The following LAMA4 variants were observed in gnomAD, a reference collection of about 807,000 sequenced individuals.
LAMA4 encodes laminin subunit alpha 4.
Under a neutral mutation model 207.1 loss-of-function variants are expected in LAMA4, and 127 were observed. The observed-to-expected ratio is 0.61, with a 90% confidence interval of 0.53 to 0.71. LAMA4 has a LOEUF of 0.71. LAMA4 is among the 30% of genes least tolerant of loss of function. The probability of loss-of-function intolerance (pLI) is 0.00; values close to 1 mark genes in which losing one functional copy is unlikely to be tolerated. For synonymous variants in LAMA4, 761 were observed against 816.0 expected (o/e 0.93, Z 1.15); for missense variants, 2,093 against 2,246.5 (o/e 0.93, Z 1.38).
At chr6:112,137,529 T>C (rs1449408059) in intron 24 of LAMA4, among the ~76,000 whole-genome samples, 1 of 152,274 alleles carries the variant, frequency 6.6e-6, no homozygotes, top group African/African-American at 2.4e-5. Context: ...ACATAATATG[T>C]GTGGCTTCCC....
At chr6:112,158,693 C>T in intron 14 of LAMA4, 39 bp downstream of exon 14, 1 of 1,558,952 alleles carries the variant, frequency 6.4e-7, no homozygotes, top group Non-Finnish European at 8.8e-7. Flanking sequence ...TTTTATTCAC[C>T]CCATGTAGAT....
At chr6:112,165,012 A>G in intron 13 of LAMA4, 148 bp downstream of exon 13, 1 of 709,352 alleles carries the variant, frequency 1.4e-6, no homozygotes, top group South Asian at 1.5e-5. Context: ...TGGTCATCGT[A>G]CAGTGCAAGA....
intron 4 of LAMA4, among the ~76,000 whole-genome samples, chr6:112,206,585 C>T (rs12190908): frequency 0.21 from 31,718 of 152,134 alleles, 4,267 homozygotes; most frequent in Middle Eastern, 0.33. Context: ...TTCTGTTGAT[C>T]TGTGTTCTAA....
At chr6:112,247,291 C>G (rs552895531) in intron 2 of LAMA4, among the ~76,000 whole-genome samples, 1 of 152,278 alleles carries the variant, frequency 6.6e-6, no homozygotes, top group African/African-American at 2.4e-5. Flanking sequence ...AGTCAAACAG[C>G]TAGAAAGTTG....
intron 7 of LAMA4, 85 bp from the exon 8 acceptor site, chr6:112,187,686 C>T: frequency 7.7e-7 from 1 of 1,296,546 alleles, no homozygotes; most frequent in Non-Finnish European, 1.1e-6. Flanking sequence ...TCTCTATTTC[C>T]TTGGTTAATA....
intron 2 of LAMA4, among the ~76,000 whole-genome samples, chr6:112,238,698 C>T (rs1786124689): frequency 6.6e-6 from 1 of 152,088 alleles, no homozygotes; most frequent in Non-Finnish European, 1.5e-5. Flanking sequence ...CAGAGCAAGA[C>T]TCTGTCTACA....
At position 112,139,832 on chromosome 6, in the gene LAMA4, A is replaced by C; in HGVS notation, c.3030T>G (p.Thr1010=). The change falls in exon 23 of 39, where the codon ACT becomes ACG. Residue 1010 remains threonine, a synonymous_variant. Transcript: ENST00000230538. ...ACAAGCTGATCACATCATTATTCAAAGTGGCCAGTTCCAGGCAGCCAACAA... is the reference window on the plus strand; with the variant it reads ...ACAAGCTGATCACATCATTATTCAACGTGGCCAGTTCCAGGCAGCCAACAA... ...PGFVGCLELA[T]LNNDVISLYN... 6.2e-7 allele frequency: 1 copy of C among 1,614,108 alleles called. No homozygotes were observed. Among genetic ancestry groups the C allele is most frequent in the Non-Finnish European group, 8.5e-7 (1 of 1,179,950 alleles).
At chr6:112,154,607 C>A (rs1780591841) in intron 16 of LAMA4, among the ~76,000 whole-genome samples, 2 of 152,000 alleles carry the variant, frequency 1.3e-5, no homozygotes, top group South Asian at 4.2e-4. Flanking sequence ...GCAGGAATAG[C>A]CACAGTATGT....
chr6:112,139,328 G>A, intron 23 of LAMA4, 37 bp from the exon 24 acceptor site: 1 of 1,609,334 alleles, frequency 6.2e-7, no homozygotes, highest in Non-Finnish European at 8.5e-7. Context: ...GAACACTACA[G>A]TTTCTGTTAT....
chr6:112,186,015 T>C (rs1554346550), intron 8 of LAMA4, among the ~76,000 whole-genome samples: 1 of 152,250 alleles, frequency 6.6e-6, no homozygotes, highest in East Asian at 1.9e-4. Flanking sequence ...CAGGTAATTT[T>C]GGACAAGAAC....
chr6:112,156,760 C>T (rs1427488113), intron 14 of LAMA4, among the ~76,000 whole-genome samples: 1 of 152,116 alleles, frequency 6.6e-6, no homozygotes, highest in African/African-American at 2.4e-5. Flanking sequence ...CTGTTGAGCT[C>T]GGTAATTGTT....
rs7756461 is a variant in LAMA4 at position 112,220,907 on chromosome 6, C to T, written c.196-4438G>A. On this transcript the variant is annotated intron_variant, in intron 2 of 38. Coordinates refer to ENST00000230538, the MANE Select transcript of LAMA4 (RefSeq NM_001105206.3). ...TAAAAAATTTTCACAAAAATCTCAC[C>T]GTTTCCCAAACACTATCACAGAGGA... 8.6e-3 allele frequency among the ~76,000 whole-genome samples: 1,301 copies of T among 152,116 alleles called. 26 individuals carry two copies. The highest frequency in any genetic ancestry group is 0.029 in the African/African-American group (1,206 of 41,518).
intron 3 of LAMA4, among the ~76,000 whole-genome samples, chr6:112,212,321 T>C (rs2115043138): frequency 1.3e-5 from 2 of 151,896 alleles, no homozygotes; most frequent in South Asian, 4.2e-4. Flanking sequence ...CTTCCTGGGT[T>C]CAAGTGATTC....
intron 18 of LAMA4, among the ~76,000 whole-genome samples, chr6:112,146,119 A>T (rs1780013570): frequency 6.6e-6 from 1 of 152,054 alleles, no homozygotes; most frequent in Admixed American, 6.6e-5. Context: ...GCAAAACCCC[A>T]TCTCTACTAA....
chr6:112,127,213 A>C (rs1554327942), intron 31 of LAMA4, among the ~76,000 whole-genome samples: 1 of 152,158 alleles, frequency 6.6e-6, no homozygotes, highest in East Asian at 1.9e-4. Context: ...GACAATAAAT[A>C]ATAAACATAA....
intron 2 of LAMA4, among the ~76,000 whole-genome samples, chr6:112,250,816 T>C (rs993835710): frequency 1.3e-5 from 2 of 152,222 alleles, no homozygotes; most frequent in African/African-American, 4.8e-5. Context: ...GGACATTCTG[T>C]TACTGGCTTC....
intron 30 of LAMA4, among the ~76,000 whole-genome samples, 173 bp from the exon 31 acceptor site, chr6:112,129,248 C>T (rs1778884852): frequency 6.6e-6 from 1 of 151,888 alleles, no homozygotes; most frequent in African/African-American, 2.4e-5. Context: ...AACCAGAACC[C>T]TTTAAATTAA....
intron 32 of LAMA4, among the ~76,000 whole-genome samples, chr6:112,120,850 T>C (rs939389639): frequency 7.9e-5 from 12 of 151,900 alleles, no homozygotes; most frequent in African/African-American, 2.9e-4. Flanking sequence ...GGCAGGAGGA[T>C]CACTTGAGCC....
At position 112,158,892 on chromosome 6, in the gene LAMA4, A is replaced by T; in HGVS notation, c.1669-12T>A. The stretch of plus-strand genomic sequence containing the variant: ...ATCCCTGACGCATTCTAAAGAAAAA[A>T]ATTTTAATAAATACATTGAATTTAG... On this transcript the variant is annotated splice_polypyrimidine_tract_variant and intron_variant, in intron 13 of 38. Coordinates refer to ENST00000230538, the MANE Select transcript of LAMA4 (RefSeq NM_001105206.3). The T allele has an allele frequency of 1.3e-6, 2 of 1,558,642 alleles. No homozygotes were observed. The highest frequency in any genetic ancestry group is 1.8e-6 in the Non-Finnish European group (2 of 1,130,858).
Sources: gnomAD v4.1 joint callset for allele counts (sites outside exome capture counted in the v4.1 genomes callset) on GRCh38, gnomAD v4.1.1 for gene constraint, MANE v1.5 for transcripts, NCBI Gene and HGNC (gene_info 2026-07-23, HGNC 2026-07-21) for gene names.